The following AGBL1 variants were observed in gnomAD, a reference collection of about 807,000 sequenced individuals.
AGBL1 encodes AGBL carboxypeptidase 1.
A neutral mutation model predicts 118.9 loss-of-function variants in AGBL1; 130 were observed. That is an observed-to-expected ratio of 1.09 (90% CI 0.95 to 1.26). The LOEUF (loss-of-function observed/expected upper bound fraction) is 1.26. Ranked by LOEUF, AGBL1 falls within the 50% of genes most tolerant of loss-of-function variation. AGBL1 has a pLI of 0.00. For missense variants in AGBL1, 1,584 were observed against 1,298.1 expected (o/e 1.22, Z -3.38); for synonymous variants, 555 against 478.9 (o/e 1.16, Z -2.08).
intron 21 of AGBL1, among the ~76,000 whole-genome samples, chr15:86,566,495 G>A (rs930164076): frequency 1.3e-5 from 2 of 152,080 alleles, no homozygotes; most frequent in African/African-American, 4.8e-5. Context: ...GGTGAATAAG[G>A]AGCAGAGTAG....
intron 17 of AGBL1, among the ~76,000 whole-genome samples, chr15:86,329,732 T>C (rs577171338): frequency 6.6e-6 from 1 of 152,242 alleles, no homozygotes; most frequent in Non-Finnish European, 1.5e-5. Context: ...GCCAAACTCT[T>C]TCTGTGAAGA....
At chr15:86,240,007 A>G (rs2078616665) in intron 6 of AGBL1, among the ~76,000 whole-genome samples, 1 of 151,350 alleles carries the variant, frequency 6.6e-6, no homozygotes, top group South Asian at 2.1e-4. Context: ...TGAAAATAAA[A>G]CTAAAAGGGA....
At chr15:86,512,451 AT>A (rs59116465) in intron 18 of AGBL1, among the ~76,000 whole-genome samples, 9,689 of 151,882 alleles carry the variant, frequency 0.064, 1,092 homozygotes, top group African/African-American at 0.22. Context: ...TACTTTGAAT[AT>A]CCTTGTTCAA....
intron 17 of AGBL1, among the ~76,000 whole-genome samples, chr15:86,357,228 A>G (rs2080735757): frequency 6.6e-6 from 1 of 152,200 alleles, no homozygotes; most frequent in South Asian, 2.1e-4. Flanking sequence ...CAACAGGAAA[A>G]CAGATTTCAA....
chr15:86,628,860 A>G (rs1372166044), intron 21 of AGBL1, among the ~76,000 whole-genome samples: 1 of 152,186 alleles, frequency 6.6e-6, no homozygotes, highest in Non-Finnish European at 1.5e-5. Flanking sequence ...CCGAGGTACA[A>G]TTGACAAATA....
At chr15:86,669,993 C>T (rs1480594154) in intron 21 of AGBL1, among the ~76,000 whole-genome samples, 2 of 152,106 alleles carry the variant, frequency 1.3e-5, no homozygotes, top group Non-Finnish European at 2.9e-5. Flanking sequence ...TTATAATTAT[C>T]ATTTTAATAG....
intron 18 of AGBL1, among the ~76,000 whole-genome samples, chr15:86,472,958 C>G (rs1305308957): frequency 2.6e-5 from 4 of 152,002 alleles, no homozygotes; most frequent in African/African-American, 9.7e-5. Flanking sequence ...ACCCATTAGC[C>G]CAGAATCAAA....
chr15:86,669,606 C>T (rs973587929), intron 21 of AGBL1, among the ~76,000 whole-genome samples: 4 of 152,240 alleles, frequency 2.6e-5, no homozygotes, highest in Non-Finnish European at 2.9e-5. Context: ...AAATCTACTT[C>T]AGAAAATCCA....
chr15:86,552,605 T>C (rs2142266825), intron 20 of AGBL1, among the ~76,000 whole-genome samples: 1 of 152,336 alleles, frequency 6.6e-6, no homozygotes, highest in East Asian at 1.9e-4. Flanking sequence ...CTGCTCGATG[T>C]GTAGGGATTT....
intron 17 of AGBL1, among the ~76,000 whole-genome samples, chr15:86,391,448 C>G (rs781198073): frequency 2.6e-5 from 4 of 151,142 alleles, no homozygotes; most frequent in South Asian, 2.1e-4. Context: ...TCCTTCCTTC[C>G]TCTCCTGTTT....
intron 5 of AGBL1, among the ~76,000 whole-genome samples, chr15:86,194,518 G>A (rs2077770223): frequency 6.6e-6 from 1 of 152,164 alleles, no homozygotes; most frequent in Middle Eastern, 3.2e-3. Context: ...CATGATGATG[G>A]TTTTAGAAGT....
At chr15:86,152,166 AT>A (rs1716494369) in intron 3 of AGBL1, among the ~76,000 whole-genome samples, 1 of 151,950 alleles carries the variant, frequency 6.6e-6, no homozygotes, top group Admixed American at 6.6e-5. Context: ...GGAAAAAACT[AT>A]TTTTAAATTT....
At chr15:86,125,434 T>C (rs1001153234) in intron 1 of AGBL1, among the ~76,000 whole-genome samples, 2 of 152,240 alleles carry the variant, frequency 1.3e-5, no homozygotes, top group African/African-American at 4.8e-5. Flanking sequence ...TCAATATTTC[T>C]GTGTCCTTTT....
rs4035838 is a variant in AGBL1 at position 86,383,247 on chromosome 15, TAA to T, written c.2375-14092_2375-14091del. Among the ~76,000 whole-genome samples the T allele has an allele frequency of 3.9e-3, 210 of 54,480 alleles. 1 individual carries two copies. Among genetic ancestry groups the T allele is most frequent in the African/African-American group, 0.01 (125 of 12,388 alleles). 35.7% of individuals were successfully genotyped at this position (54,480 alleles called of 152,430 possible). On this transcript the variant is annotated intron_variant, in intron 17 of 22. Transcript: ENST00000614907. ...CTGAAGAGAGTAAGCATTCAGTATG[TAA>T]AAAAAAAAAAAAAAAAAAAAAAAAA...
At chr15:86,466,980 C>T (rs1017970288) in intron 18 of AGBL1, among the ~76,000 whole-genome samples, 1 of 152,244 alleles carries the variant, frequency 6.6e-6, no homozygotes, top group Admixed American at 6.5e-5. Flanking sequence ...CAGTCTGTCC[C>T]TTAGCAGAGC....
At chr15:86,972,681 T>G (rs1232825599) in intron 23 of AGBL1, among the ~76,000 whole-genome samples, 2 of 152,014 alleles carry the variant, frequency 1.3e-5, no homozygotes, top group Non-Finnish European at 2.9e-5. Flanking sequence ...TATTTGCATG[T>G]TTGTTTGCTC....
chr15:86,390,154 G>A (rs1046490692), intron 17 of AGBL1, among the ~76,000 whole-genome samples: 8 of 152,192 alleles, frequency 5.3e-5, no homozygotes, highest in Non-Finnish European at 8.8e-5. Context: ...AATGCCTTAG[G>A]AGAACTGGAG....
At chr15:86,797,346 G>C (rs892808862) in intron 22 of AGBL1, among the ~76,000 whole-genome samples, 7 of 152,194 alleles carry the variant, frequency 4.6e-5, no homozygotes, top group Non-Finnish European at 1.0e-4. Context: ...TGACCCACAG[G>C]AGGCTGTGTC....
intron 21 of AGBL1, among the ~76,000 whole-genome samples, chr15:86,558,979 T>C (rs1490938970): frequency 2.0e-5 from 3 of 152,336 alleles, no homozygotes; most frequent in East Asian, 1.9e-4. Flanking sequence ...GGCAGTGTTA[T>C]GTTCTCTCTA....
Sources: gnomAD v4.1 joint callset for allele counts (sites outside exome capture counted in the v4.1 genomes callset) on GRCh38, gnomAD v4.1.1 for gene constraint, MANE v1.5 for transcripts, NCBI Gene and HGNC (gene_info 2026-07-23, HGNC 2026-07-21) for gene names.